MPO: variants seen among roughly 807,000 people sequenced by gnomAD.
MPO encodes the protein myeloperoxidase.
A neutral mutation model predicts 69.4 loss-of-function variants in MPO; 57 were observed. The observed-to-expected ratio is 0.82, with a 90% CI of 0.66 to 1.02. The LOEUF is 1.02. Among genes scored for constraint, MPO ranks in the 50% least tolerant of loss-of-function variants. MPO has a pLI of 0.00. For synonymous variants in MPO, 426 were observed against 417.1 expected, an observed-to-expected ratio of 1.02 and a Z score of -0.26; for missense variants, 971 against 1,014.1, an observed-to-expected ratio of 0.96 and a Z score of 0.58.
chr17:58,275,193 G>A lies in MPO; in HGVS notation c.1365+349C>T, dbSNP rs190628586. 1.1e-4 allele frequency among the ~76,000 whole-genome samples: 17 copies of A among 152,206 alleles called. No homozygotes were observed. Among genetic ancestry groups the A allele is most frequent in the African/African-American group, 4.1e-4 (17 of 41,524 alleles). On this transcript the variant is annotated intron_variant, in intron 8 of 11. Coordinates refer to ENST00000225275, the MANE Select transcript of MPO (RefSeq NM_000250.2). The surrounding 1 kb of genome is among the most constrained non-coding windows in gnomAD (Gnocchi z 4.1). ...ATTTTTTTAATTTTAAAAAGAAGAGGTGAGTGGGTAAAGGAGCTAAGAGTG... is the reference window on the plus strand; with the variant it reads ...ATTTTTTTAATTTTAAAAAGAAGAGATGAGTGGGTAAAGGAGCTAAGAGTG...
intron 6 of MPO, among the ~76,000 whole-genome samples, chr17:58,278,586 C>G (rs1014511641): frequency 4.6e-5 from 7 of 152,168 alleles, no homozygotes; most frequent in Non-Finnish European, 1.0e-4. Context: ...CCACCAGACC[C>G]CCAGGCTCTC....
chr17:58,279,225 C>T lies in MPO; in HGVS notation c.679-11G>A, dbSNP rs368948695. The stretch of plus-strand genomic sequence containing the variant: ...GGAGACCGCGCGAGCCTGCGGGACA[C>T]GGAGATCAGCTGGCGCCTGGGTCCG... On this transcript the variant is annotated splice_polypyrimidine_tract_variant and intron_variant, in intron 5 of 11. Transcript: ENST00000225275. The T allele has an allele frequency of 4.4e-6, 7 of 1,593,128 alleles. No individual in the cohort carries two copies. Among genetic ancestry groups the T allele is most frequent in the African/African-American group, 1.3e-5 (1 of 74,618 alleles).
Position 58,279,827 on chromosome 17 carries a change from G to A in MPO, c.424+12C>T, listed in dbSNP as rs772100483. 2 of 1,614,038 alleles carry A rather than the reference G, an allele frequency of 1.2e-6. No individual in the cohort carries two copies. The highest frequency in any genetic ancestry group is 2.2e-5 in the South Asian group (2 of 91,078). On this transcript the variant is annotated intron_variant, in intron 3 of 11. Coordinates refer to ENST00000225275, the MANE Select transcript of MPO (RefSeq NM_000250.2). ...GTGGAGCAGGGACCTGGGGTGTGAT[G>A]GGCAACAGTACCAGTGACATTGAAT...
rs376805101 is a variant in MPO, at chr17:58,278,976, C to T, written c.885+32G>A. 4.5e-5 allele frequency: 72 copies of T among 1,584,268 alleles called. 2 individuals are homozygous for T. In the Middle Eastern group the frequency reaches 7.2e-4, roughly 16 times the overall value. On this transcript the variant is annotated intron_variant, in intron 6 of 11. Transcript: ENST00000225275. ...CTTCCAGAAACAATCTCCCCTCTCCCAACCCAGGCAGTGGGCGGGAAGCAG... is the reference window on the plus strand; with the variant it reads ...CTTCCAGAAACAATCTCCCCTCTCCTAACCCAGGCAGTGGGCGGGAAGCAG...
chr17:58,280,008 C>A lies in MPO; in HGVS notation c.255G>T (p.Lys85Asn), dbSNP rs1970495967. ...KAYKERRESI[K>N]QRLRSGSASP... ...TGGCTGAGCCGCTGCGAAGCCGCTG[C>A]TTGATGCTGCTTGGAGAAAGGAGGA... Residue 85 changes from lysine to asparagine, a missense_variant, in exon 3 of 12, where the codon AAG (lysine) becomes AAT (asparagine). Transcript: ENST00000225275. The A allele has an allele frequency of 6.2e-7, 1 of 1,612,902 alleles. No individual in the cohort carries two copies. The highest frequency in any genetic ancestry group is 8.5e-7 in the Non-Finnish European group (1 of 1,180,024).
At chr17:58,277,506 C>T (rs1970453431) in intron 7 of MPO, among the ~76,000 whole-genome samples, 1 of 152,178 alleles carries the variant, frequency 6.6e-6, no homozygotes, top group Non-Finnish European at 1.5e-5. Flanking sequence ...GTTCCCTGCC[C>T]CTGAGGGATT....
rs781663238 is a variant in MPO at position 58,273,523 on chromosome 17, G to A, written c.1512C>T (p.Leu504=). The part of the protein sequence containing the change: ...FTNAFRYGHT[L]IQPFMFRLDN... ...CCAGGCGGAACATGAAGGGTTGGAT[G>A]AGGGTGTGGCCGTAGCGGAAGGCAT... is the stretch of plus-strand genomic sequence containing the variant. The change falls in exon 9 of 12, where the codon CTC becomes CTT. Residue 504 remains leucine (L), a synonymous_variant. Coordinates refer to ENST00000225275, the MANE Select transcript of MPO (RefSeq NM_000250.2). 2.5e-6 allele frequency: 4 copies of A among 1,614,128 alleles called. No individual in the cohort carries two copies. The African/African-American group carries it at 5.3e-5, about 22-fold the overall frequency.
chr17:58,273,776 C>G, intron 8 of MPO, 107 bp from the exon 9 acceptor site: 1 of 1,482,182 alleles, frequency 6.7e-7, no homozygotes, highest in South Asian at 1.1e-5. Context: ...GCTTCGGGGA[C>G]CCCTTCCATC....
chr17:58,279,297 CA>C lies in MPO; in HGVS notation c.677del (p.Leu226ArgfsTer17), dbSNP rs1567829522. On this transcript the variant is annotated frameshift_variant and splice_region_variant, in exon 5 of 12. Coordinates refer to ENST00000225275, the MANE Select transcript of MPO (RefSeq NM_000250.2). LOFTEE classifies it high-confidence loss of function. ...GVKRNGFPVA[L>X]ARAVSNEIVR... ...GCCCCCTCTGCCCGCCGGCGCTCAC[CA>C]GAGCCACCGGGAAGCCGTTGCGCTT... The C allele has an allele frequency of 3.2e-6, 5 of 1,565,554 alleles. No individual in the cohort carries two copies. The highest frequency in any genetic ancestry group is 3.5e-6 in the Non-Finnish European group (4 of 1,155,498).
chr17:58,270,991 C>T lies in MPO; in HGVS notation c.2031-128G>A. The T allele has an allele frequency of 9.7e-7, 1 of 1,028,644 alleles. No individual in the cohort carries two copies. The allele number at this position is 1,028,644 out of a possible 1,614,324, so 63.7% of individuals were successfully genotyped here. On this transcript the variant is annotated intron_variant, in intron 11 of 11. Coordinates refer to ENST00000225275, the MANE Select transcript of MPO (RefSeq NM_000250.2). This position sits in a 1 kb window ranked among gnomAD's most constrained non-coding sequence, Gnocchi z 4.1. ...ATGCCACCTGGAAGCACAGGAGGGC[C>T]CCAGGCCCTTGGGCAGCCCAGGGGC...
At chr17:58,271,588 G>T in intron 11 of MPO, 67 bp downstream of exon 11, 2 of 1,488,102 alleles carry the variant, frequency 1.3e-6, no homozygotes, top group South Asian at 2.3e-5. Context: ...GAGGAAATTT[G>T]GGCTCCAAGA....
intron 11 of MPO, 136 bp downstream of exon 11, chr17:58,271,519 G>T: frequency 1.1e-6 from 1 of 896,534 alleles, no homozygotes; most frequent in Non-Finnish European, 1.8e-6. Flanking sequence ...CAGGGCATCT[G>T]GAGGATTCCT....
At chr17:58,276,833 G>A (rs35830722) in intron 7 of MPO, among the ~76,000 whole-genome samples, 51 of 152,140 alleles carry the variant, frequency 3.4e-4, no homozygotes, top group South Asian at 4.1e-4. Context: ...AAATGGCTGC[G>A]TGCGGTGGCT....
At chr17:58,272,592 G>A (rs1350842865) in intron 10 of MPO, among the ~76,000 whole-genome samples, 156 bp downstream of exon 10, 3 of 152,198 alleles carry the variant, frequency 2.0e-5, no homozygotes, top group African/African-American at 7.2e-5. Context: ...TCCGGGAAAA[G>A]GCAGGGGCCT....
intron 6 of MPO, among the ~76,000 whole-genome samples, chr17:58,278,388 G>A (rs909587366): frequency 1.3e-5 from 2 of 152,098 alleles, no homozygotes; most frequent in Non-Finnish European, 2.9e-5. Context: ...CCAGGCCTCG[G>A]ATCCCTCCTC....
At position 58,280,664 on chromosome 17, in the gene MPO, G is replaced by A. The variant is rs1277882044; in HGVS notation, c.95C>T (p.Ala32Val). The change falls in exon 1 of 12, where the codon GCC becomes GTC. Residue 32 changes from alanine (A) to valine (V), a missense_variant. Transcript: ENST00000225275. ...GLTAEMKLLL[A>V]LAGLLAILAT... ...CAGAATGGCCAGGAGCCCTGCTAGGGCCAGAAGCAGCTTCATCTCTGCAGT... is the reference window on the plus strand; with the variant it reads ...CAGAATGGCCAGGAGCCCTGCTAGGACCAGAAGCAGCTTCATCTCTGCAGT... 4 of 1,614,118 alleles carry A rather than the reference G, an allele frequency of 2.5e-6. No homozygotes were observed. The highest frequency in any genetic ancestry group is 2.5e-6 in the Non-Finnish European group (3 of 1,180,052).
In MPO at chr17:58,278,052, G is replaced by C. The variant is rs764155889; in HGVS notation, c.979C>G (p.Arg327Gly). 1.9e-5 allele frequency: 30 copies of C among 1,613,118 alleles called. No homozygotes were observed. The highest frequency in any genetic ancestry group is 2.4e-5 in the Non-Finnish European group (28 of 1,180,044). ...PACPGSNITIRNQINALTSFV... is the reference protein window; with the variant it reads ...PACPGSNITIGNQINALTSFV... ...GAAGTGAGCGCGTTGATCTGGTTGC[G>C]GATGGTGATGTTGCTCCCGGGGCAA... Residue 327 changes from arginine (R) to glycine (G), a missense_variant, in exon 7 of 12, where the codon CGC becomes GGC. Transcript: ENST00000225275.
chr17:58,280,778 T>G lies in MPO; in HGVS notation c.-20A>C. ...CCCCATCTCTCTTCTCCTGGGCTGCTCAATCCCCCTTTGTACCTCAGCCCC... is the reference window on the plus strand; with the variant it reads ...CCCCATCTCTCTTCTCCTGGGCTGCGCAATCCCCCTTTGTACCTCAGCCCC... On this transcript the variant is annotated 5_prime_UTR_variant, in exon 1 of 12. Transcript: ENST00000225275. 1.2e-6 allele frequency: 2 copies of G among 1,613,858 alleles called. No homozygotes were observed. The highest frequency in any genetic ancestry group is 1.1e-5 in the South Asian group (1 of 90,994).
At position 58,270,451 on chromosome 17, in the gene MPO, A is replaced by T. The variant is rs200662910; in HGVS notation, c.*205T>A. The T allele has an allele frequency of 4.4e-5, 27 of 607,760 alleles. 1 individual carries two copies. The East Asian group carries it at 7.8e-4, about 18-fold the overall frequency. 37.6% of individuals were successfully genotyped at this position (607,760 alleles called of 1,614,324 possible). ...GGCACATACACATAACCCATGAAAC[A>T]CTCCCCATGTTCAGACAACACACAC... On this transcript the variant is annotated 3_prime_UTR_variant, in exon 12 of 12. Coordinates refer to ENST00000225275, the MANE Select transcript of MPO (RefSeq NM_000250.2). This position sits in a 1 kb window ranked among gnomAD's most constrained non-coding sequence, Gnocchi z 4.1.
Sources: allele counts gnomAD v4.1 joint callset (sites outside exome capture counted in the v4.1 genomes callset), GRCh38; gene constraint gnomAD v4.1.1; non-coding constraint Gnocchi (gnomAD v3.1); transcripts MANE v1.5; gene names NCBI Gene and HGNC (gene_info 2026-07-23, HGNC 2026-07-21).